KCNQ3: variants seen among roughly 807,000 people sequenced by gnomAD.
The protein encoded by KCNQ3 is potassium voltage-gated channel subfamily Q member 3, also known as potassium voltage-gated channel subfamily KQT member 3.
Under a neutral mutation model 92.5 loss-of-function variants are expected in KCNQ3, and 30 were observed. The observed-to-expected ratio is 0.32, with a 90% CI of 0.24 to 0.44. The LOEUF is 0.44. KCNQ3 is among the 20% of genes least tolerant of loss of function. The pLI is 1.00. For missense variants in KCNQ3, 913 were observed against 1,140.3 expected (o/e 0.80, Z 2.87); for synonymous variants, 450 against 468.8 (o/e 0.96, Z 0.52).
intron 1 of KCNQ3, among the ~76,000 whole-genome samples, chr8:132,420,837 C>A (rs181230622): frequency 2.2e-4 from 33 of 152,284 alleles, no homozygotes; most frequent in Admixed American, 2.0e-3. Context: ...GGAAGCACTG[C>A]ACAGAGGGCC....
chr8:132,336,176 C>G (rs1238789157), intron 1 of KCNQ3, among the ~76,000 whole-genome samples: 1 of 152,178 alleles, frequency 6.6e-6, no homozygotes, highest in East Asian at 1.9e-4. Context: ...GGGCTGGGCA[C>G]TTTGGGACCT....
At chr8:132,187,192 TC>T (rs1379790231) in intron 1 of KCNQ3, 1 of 456,070 alleles carries the variant, frequency 2.2e-6, no homozygotes, top group South Asian at 1.5e-5. Flanking sequence ...CTACTTAGGT[TC>T]TACCCATGCT....
intron 1 of KCNQ3, among the ~76,000 whole-genome samples, chr8:132,346,449 C>G (rs894686445): frequency 6.6e-6 from 1 of 152,154 alleles, no homozygotes; most frequent in African/African-American, 2.4e-5. Context: ...CGGGATGACT[C>G]AGCAGTCCTC....
intron 12 of KCNQ3, among the ~76,000 whole-genome samples, chr8:132,134,601 C>T (rs1825013860): frequency 6.6e-6 from 1 of 151,458 alleles, no homozygotes; most frequent in Non-Finnish European, 1.5e-5. Context: ...TGCATACTAG[C>T]TACAGAGAGA....
At chr8:132,478,609 C>T (rs1328174132) in intron 1 of KCNQ3, among the ~76,000 whole-genome samples, 1 of 150,138 alleles carries the variant, frequency 6.7e-6, no homozygotes, top group Non-Finnish European at 1.5e-5. Flanking sequence ...CAACCAGACC[C>T]CGACCAACAC....
At chr8:132,327,001 C>A (rs1818074418) in intron 1 of KCNQ3, among the ~76,000 whole-genome samples, 1 of 152,210 alleles carries the variant, frequency 6.6e-6, no homozygotes, top group Non-Finnish European at 1.5e-5. Flanking sequence ...ATATTTACTG[C>A]TCATGTGTTA....
At chr8:132,398,890 C>T (rs1820263708) in intron 1 of KCNQ3, among the ~76,000 whole-genome samples, 1 of 152,208 alleles carries the variant, frequency 6.6e-6, no homozygotes, top group African/African-American at 2.4e-5. Flanking sequence ...GAACTTCAGA[C>T]CACCTCCCTG....
intron 1 of KCNQ3, among the ~76,000 whole-genome samples, chr8:132,400,508 A>G (rs1820305596): frequency 6.6e-6 from 1 of 152,226 alleles, no homozygotes; most frequent in African/African-American, 2.4e-5. Context: ...GATCAGCAAG[A>G]GCACGGAGCC....
chr8:132,311,380 C>CT (rs146271351), intron 1 of KCNQ3, among the ~76,000 whole-genome samples: 6 of 426 alleles, frequency 0.014, no homozygotes, highest in Admixed American at 0.13. Flanking sequence ...AGAGATTGTC[C>CT]CGTTTACTAA....
At chr8:132,382,775 A>C (rs1455768689) in intron 1 of KCNQ3, among the ~76,000 whole-genome samples, 1 of 152,128 alleles carries the variant, frequency 6.6e-6, no homozygotes, top group Non-Finnish European at 1.5e-5. Context: ...TGTCACGGGC[A>C]TACCATCCTT....
At chr8:132,303,048 C>T (rs1563849475) in intron 1 of KCNQ3, among the ~76,000 whole-genome samples, 1 of 152,246 alleles carries the variant, frequency 6.6e-6, no homozygotes, top group East Asian at 1.9e-4. Context: ...TACTCCCAGC[C>T]AGAGCTATTG....
chr8:132,471,107 G>A (rs984484228), intron 1 of KCNQ3, among the ~76,000 whole-genome samples: 15 of 152,050 alleles, frequency 9.9e-5, no homozygotes, highest in Admixed American at 7.9e-4. Flanking sequence ...TGAGAGGCCC[G>A]GCTACTCAAA....
intron 1 of KCNQ3, among the ~76,000 whole-genome samples, chr8:132,474,352 A>T (rs1419639714): frequency 6.6e-6 from 1 of 152,176 alleles, no homozygotes; most frequent in African/African-American, 2.4e-5. Flanking sequence ...TGACTCCTGC[A>T]GTCACAGAGA....
At position 132,480,904 on chromosome 8, in the gene KCNQ3, C is replaced by T. The variant is rs1822549984; in HGVS notation, c.-372G>A. 1 of 155,358 alleles carries T rather than the reference C, an allele frequency of 6.4e-6. No homozygotes were observed. The highest frequency in any genetic ancestry group is 1.8e-4 in the South Asian group (1 of 5,688). 9.6% of individuals were successfully genotyped at this position (155,358 alleles called of 1,614,324 possible). A position where few individuals can be genotyped will look rare whatever the true frequency, so the allele number is the denominator to read the frequency against. ...GCGGCGGCGGCGGCGGCACCCAGGC[C>T]GGCGAGCCCAAGACAGCATCGCAGT... is the stretch of plus-strand genomic sequence containing the variant. On this transcript the variant is annotated 5_prime_UTR_variant, in exon 1 of 15. Coordinates refer to ENST00000388996, the MANE Select transcript of KCNQ3 (RefSeq NM_004519.4).
chr8:132,170,034 G>A (rs1259850584), intron 8 of KCNQ3, among the ~76,000 whole-genome samples: 1 of 151,842 alleles, frequency 6.6e-6, no homozygotes, highest in Admixed American at 6.6e-5. Flanking sequence ...CACCACGCCC[G>A]GCTAATTTTT....
intron 1 of KCNQ3, among the ~76,000 whole-genome samples, chr8:132,382,757 G>A (rs1388050973): frequency 6.6e-6 from 1 of 152,140 alleles, no homozygotes; most frequent in Non-Finnish European, 1.5e-5. Flanking sequence ...AAGGGAATAG[G>A]AGAAGGGTGT....
intron 3 of KCNQ3, among the ~76,000 whole-genome samples, chr8:132,181,321 GC>G (rs1252333170): frequency 6.6e-6 from 1 of 152,058 alleles, no homozygotes; most frequent in Non-Finnish European, 1.5e-5. Flanking sequence ...AGACCATATG[GC>G]CAAGTAAATT....
chr8:132,208,277 A>C (rs1221275303), intron 1 of KCNQ3, among the ~76,000 whole-genome samples: 1 of 151,508 alleles, frequency 6.6e-6, no homozygotes, highest in African/African-American at 2.4e-5. Context: ...GGCACATGCT[A>C]CTCTGCTGGG....
At chr8:132,246,986 C>T (rs1174577809) in intron 1 of KCNQ3, among the ~76,000 whole-genome samples, 1 of 152,148 alleles carries the variant, frequency 6.6e-6, no homozygotes, top group East Asian at 1.9e-4. Flanking sequence ...ATAGCCACTG[C>T]CCAAGAAATT....
Sources: allele counts gnomAD v4.1 joint callset (sites outside exome capture counted in the v4.1 genomes callset), GRCh38; gene constraint gnomAD v4.1.1; transcripts MANE v1.5; gene names NCBI Gene and HGNC (gene_info 2026-07-23, HGNC 2026-07-21).